Variants in KIFAP3 observed in about 807,000 individuals in gnomAD.
KIFAP3 encodes kinesin-associated protein 3.
A neutral mutation model predicts 106.5 loss-of-function variants in KIFAP3; 68 were observed. The ratio of observed to expected loss-of-function variants is 0.64; its 90% CI spans 0.53 to 0.78. The LOEUF is 0.78. Ranked by LOEUF, KIFAP3 falls within the 30% of genes least tolerant of loss-of-function variation. KIFAP3 has a pLI of 0.00. For missense variants in KIFAP3, 780 were observed against 941.8 expected (o/e 0.83, Z 2.25); for synonymous variants, 320 against 311.5 (o/e 1.03, Z -0.29).
chr1:169,934,668 A>G lies in KIFAP3; in HGVS notation c.2274-12887T>C, dbSNP rs528058020. On this transcript the variant is annotated intron_variant, in intron 19 of 19. Coordinates refer to ENST00000361580, the MANE Select transcript of KIFAP3 (RefSeq NM_014970.4). ...GTGCCAACCTGACAATCTGGCACTT[A>G]TAAGCAAAGCTGGGCAACTATGAGA... 7.2e-5 allele frequency among the ~76,000 whole-genome samples: 11 copies of G among 152,290 alleles called. No homozygotes were observed. In the South Asian group the frequency reaches 2.1e-3, roughly 29 times the overall value.
intron 19 of KIFAP3, among the ~76,000 whole-genome samples, chr1:169,931,755 C>T (rs1054084958): frequency 1.3e-5 from 2 of 152,136 alleles, no homozygotes; most frequent in Admixed American, 6.6e-5. Flanking sequence ...AAAATTACTG[C>T]TATAGGTTTA....
rs60580320 is a variant in KIFAP3, at chr1:170,046,210, C to CAAA, written c.319+499_319+501dup. Among the ~76,000 whole-genome samples the CAAA allele has an allele frequency of 9.1e-4, 52 of 56,926 alleles. 2 individuals carry two copies. The highest frequency in any genetic ancestry group is 0.015 in the Middle Eastern group (1 of 66). 37.3% of individuals were successfully genotyped at this position (56,926 alleles called of 152,430 possible). ...CCAGATTAAACCTTTTTCTCTGCTG[C>CAAA]AAAAAAAAAAAAAAAAAAAGGAAAC... On this transcript the variant is annotated intron_variant, in intron 3 of 19. Transcript: ENST00000361580.
intron 18 of KIFAP3, among the ~76,000 whole-genome samples, chr1:169,956,913 C>T (rs1665045183): frequency 6.6e-6 from 1 of 152,070 alleles, no homozygotes; most frequent in Non-Finnish European, 1.5e-5. Context: ...TTTAATTTTC[C>T]TAGGACACTG....
chr1:169,944,588 T>C (rs1379543241), intron 19 of KIFAP3, among the ~76,000 whole-genome samples: 3 of 152,148 alleles, frequency 2.0e-5, no homozygotes, highest in Admixed American at 2.0e-4. Context: ...CCCAGGTTCT[T>C]GTTTCCCATC....
Position 169,978,549 on chromosome 1 carries a change from A to C in KIFAP3, c.1799-366T>G, listed in dbSNP as rs572899176. 5.5e-4 allele frequency among the ~76,000 whole-genome samples: 83 copies of C among 152,172 alleles called. 1 individual carries two copies. The South Asian group carries it at 0.017, about 31-fold the overall frequency. On this transcript the variant is annotated intron_variant, in intron 15 of 19. Coordinates refer to ENST00000361580, the MANE Select transcript of KIFAP3 (RefSeq NM_014970.4). Reference sequence around the variant, plus strand: ...ATTTCCTTTTGTTGAATAATGTTAAACTTTACAGATTGCATGAAATAATAA... The same window carrying C: ...ATTTCCTTTTGTTGAATAATGTTAACCTTTACAGATTGCATGAAATAATAA...
chr1:169,988,836 T>C (rs776487037), intron 11 of KIFAP3, among the ~76,000 whole-genome samples: 1 of 151,974 alleles, frequency 6.6e-6, no homozygotes, highest in East Asian at 1.9e-4. Flanking sequence ...TAGGAGCAAA[T>C]ATATTGTACA....
At chr1:170,009,411 T>A (rs1238926701) in intron 10 of KIFAP3, among the ~76,000 whole-genome samples, 1 of 151,594 alleles carries the variant, frequency 6.6e-6, no homozygotes, top group Admixed American at 6.6e-5. Flanking sequence ...AAATGCCACT[T>A]TTATTATTAT....
At chr1:170,079,141 A>T (rs1319562031), upstream of KIFAP3, among the ~76,000 whole-genome samples, 1 of 152,208 alleles carries the variant, frequency 6.6e-6, no homozygotes, top group Non-Finnish European at 1.5e-5. Context: ...GGATGACTTT[A>T]TACTGTCCTT....
chr1:170,018,921 C>T (rs1457636972), intron 9 of KIFAP3, among the ~76,000 whole-genome samples: 1 of 152,092 alleles, frequency 6.6e-6, no homozygotes, highest in Non-Finnish European at 1.5e-5. Context: ...TTGCCAAAGA[C>T]TTCCAAAAAT....
intron 2 of KIFAP3, among the ~76,000 whole-genome samples, chr1:170,049,283 A>G (rs1670448989): frequency 6.6e-6 from 1 of 152,192 alleles, no homozygotes; most frequent in Non-Finnish European, 1.5e-5. Flanking sequence ...ATGCCTCCTC[A>G]CTGGGCAGGG....
chr1:170,072,580 A>G (rs6427232), intron 1 of KIFAP3, among the ~76,000 whole-genome samples: 115,876 of 151,998 alleles, frequency 0.76, 44,622 homozygotes, highest in East Asian at 0.99. Flanking sequence ...AAACACATAG[A>G]GATTCAAAAA....
chr1:170,013,494 T>TATAA (rs1668352344), intron 10 of KIFAP3, among the ~76,000 whole-genome samples: 1 of 147,188 alleles, frequency 6.8e-6, no homozygotes, highest in Non-Finnish European at 1.5e-5. Flanking sequence ...TATATATATA[T>TATAA]ATAAAATACA....
intron 19 of KIFAP3, among the ~76,000 whole-genome samples, chr1:169,932,614 A>C (rs1663551441): frequency 6.6e-6 from 1 of 151,994 alleles, no homozygotes; most frequent in Non-Finnish European, 1.5e-5. Flanking sequence ...CAGCCATCTA[A>C]CATGCATGCT....
chr1:169,958,217 G>C (rs1167526467), intron 18 of KIFAP3: 1 of 152,562 alleles, frequency 6.6e-6, no homozygotes, highest in East Asian at 1.9e-4. Context: ...TGAGTAGCTG[G>C]GACTACAGGC....
intron 10 of KIFAP3, among the ~76,000 whole-genome samples, chr1:169,996,566 T>A (rs1290179201): frequency 6.6e-6 from 1 of 152,208 alleles, no homozygotes; most frequent in Non-Finnish European, 1.5e-5. Context: ...ACTAAGGCTA[T>A]GACCCTTTCA....
chr1:169,961,101 C>T lies in KIFAP3; in HGVS notation c.2118G>A (p.Glu706=). The T allele has an allele frequency of 6.2e-7, 1 of 1,613,512 alleles. No homozygotes were observed. Among genetic ancestry groups the T allele is most frequent in the East Asian group, 2.2e-5 (1 of 44,858 alleles). The part of the protein sequence containing the change: ...EQYLYGDDRI[E]PYIHEGDILE... ...GAATATCTCCTTCATGAATGTATGG[C>T]TCAATTCGATCATCACCATACAAGT... Residue 706 remains glutamate, a synonymous_variant, in exon 18 of 20, where the codon GAG becomes GAA. Coordinates refer to ENST00000361580, the MANE Select transcript of KIFAP3 (RefSeq NM_014970.4).
chr1:170,011,688 C>T (rs1018084951), intron 10 of KIFAP3, among the ~76,000 whole-genome samples: 2 of 151,788 alleles, frequency 1.3e-5, no homozygotes, highest in African/African-American at 4.8e-5. Flanking sequence ...AAAGTCAGTG[C>T]TCTAAATAAA....
Position 170,074,484 on chromosome 1 carries a change from G to C in KIFAP3, c.-17C>G. The stretch of plus-strand genomic sequence containing the variant: ...CCCTTGCATGGCGGCAGCGGCAGCG[G>C]CGTGGAGAGGATGGGGTATCTTGAG... On this transcript the variant is annotated 5_prime_UTR_variant, in exon 1 of 20. Transcript: ENST00000361580. The C allele has an allele frequency of 6.2e-7, 1 of 1,613,974 alleles. No individual in the cohort carries two copies. The highest frequency in any genetic ancestry group is 8.5e-7 in the Non-Finnish European group (1 of 1,179,950).
chr1:169,959,468 T>G (rs926490242), intron 18 of KIFAP3, among the ~76,000 whole-genome samples: 1 of 152,192 alleles, frequency 6.6e-6, no homozygotes, highest in African/African-American at 2.4e-5. Context: ...TTTCTAAGTT[T>G]TGGTGTATGA....
Sources: gnomAD v4.1 joint callset for allele counts (sites outside exome capture counted in the v4.1 genomes callset) on GRCh38, gnomAD v4.1.1 for gene constraint, MANE v1.5 for transcripts, NCBI Gene and HGNC (gene_info 2026-07-23, HGNC 2026-07-21) for gene names.